MCM10: variants seen among roughly 807,000 people sequenced by gnomAD.
The protein encoded by MCM10 is protein MCM10 homolog.
Under a neutral mutation model 109.9 loss-of-function variants are expected in MCM10, and 91 were observed. The observed-to-expected ratio is 0.83, with a 90% CI of 0.70 to 0.99. MCM10 has a LOEUF of 0.99. MCM10 is among the 50% of genes least tolerant of loss of function. The probability of loss-of-function intolerance (pLI) is 0.00; values close to 1 mark genes in which losing one functional copy is unlikely to be tolerated. For missense variants in MCM10, 1,077 were observed against 1,061.2 expected (o/e 1.01, Z -0.21); for synonymous variants, 380 against 387.2 (o/e 0.98, Z 0.22).
chr10:13,163,203 G>T (rs1006245743), intron 1 of MCM10, among the ~76,000 whole-genome samples: 4 of 152,130 alleles, frequency 2.6e-5, no homozygotes, highest in African/African-American at 4.8e-5. Flanking sequence ...GCCGGGTGTG[G>T]TAGTGCACGT....
intron 10 of MCM10, among the ~76,000 whole-genome samples, chr10:13,189,976 GAAAGA>G (rs958898929): frequency 3.0e-4 from 46 of 152,240 alleles, no homozygotes; most frequent in African/African-American, 8.9e-4. Flanking sequence ...CTTAAAAAAA[GAAAGA>G]AAAGAAAAGA....
Position 13,211,100 on chromosome 10 carries a change from C to G in MCM10, c.*1790C>G, listed in dbSNP as rs938935000. On this transcript the variant is annotated 3_prime_UTR_variant, in exon 20 of 20. Coordinates refer to ENST00000378714, the MANE Select transcript of MCM10 (RefSeq NM_018518.5). ...TTTAACTTTTAAAATAAATTTAAAA[C>G]ATAATTGTCACTTCTTAGTTTTGCT... The G allele has an allele frequency of 6.6e-6, 1 of 152,094 alleles. No individual in the cohort carries two copies. Among genetic ancestry groups the G allele is most frequent in the African/African-American group, 2.4e-5 (1 of 41,402 alleles). 9.4% of individuals were successfully genotyped at this position (152,094 alleles called of 1,614,324 possible).
intron 2 of MCM10, among the ~76,000 whole-genome samples, chr10:13,165,160 T>A (rs891125422): frequency 2.0e-5 from 3 of 152,092 alleles, no homozygotes; most frequent in African/African-American, 7.2e-5. Flanking sequence ...CATACATACG[T>A]GTGATAAAGT....
chr10:13,167,449 T>C (rs1301098408), intron 2 of MCM10, among the ~76,000 whole-genome samples: 2 of 151,782 alleles, frequency 1.3e-5, no homozygotes, highest in African/African-American at 4.8e-5. Flanking sequence ...CTGTGATGAG[T>C]TGGAGTTACT....
rs540086176 is a variant in MCM10, at chr10:13,206,478, T to G, written c.2498+2114T>G. Among the ~76,000 whole-genome samples, 13 of 152,334 alleles carry G rather than the reference T, an allele frequency of 8.5e-5. No individual in the cohort carries two copies. The South Asian group carries it at 2.7e-3, about 32-fold the overall frequency. ...CATACTTCACTCTCACTTCAGATTC[T>G]CCAGGGTCGATCCAGAGATCTGAGG... On this transcript the variant is annotated intron_variant, in intron 18 of 19. Transcript: ENST00000378714.
In MCM10 at chr10:13,168,877, T is replaced by C. The variant is rs552022835; in HGVS notation, c.8-2045T>C. ...GGAGATAGTAAGGGCAACAGAGTCC[T>C]CAGCAGAATTTCCCTTTTAGCAAAA... On this transcript the variant is annotated intron_variant, in intron 2 of 19. Coordinates refer to ENST00000378714, the MANE Select transcript of MCM10 (RefSeq NM_018518.5). Among the ~76,000 whole-genome samples, 135 of 152,356 alleles carry C rather than the reference T, an allele frequency of 8.9e-4. 1 individual carries two copies. Among genetic ancestry groups the C allele is most frequent in the African/African-American group, 3.1e-3 (129 of 41,590 alleles).
rs2131576688 is a variant in MCM10, at chr10:13,188,863, CT to C, written c.1216-17del. The stretch of plus-strand genomic sequence containing the variant: ...GCCTGTTGCCCTCATCCTGATGCCA[CT>C]GCTCTGCCTTTTGCAGCGTGACTGT... On this transcript the variant is annotated splice_polypyrimidine_tract_variant and intron_variant, in intron 9 of 19. Transcript: ENST00000378714. 1 of 1,612,596 alleles carries C rather than the reference CT, an allele frequency of 6.2e-7. No homozygotes were observed. The highest frequency in any genetic ancestry group is 8.5e-7 in the Non-Finnish European group (1 of 1,178,604).
chr10:13,171,062 G>T lies in MCM10; in HGVS notation c.148G>T (p.Gly50Cys). ...DAFDELFDAD[G>C]DGESYTEEAD... ...ATTTGATGAGCTCTTTGATGCCGAC[G>T]GCGACGGTGAATCTTATACAGAAGA... The change falls in exon 3 of 20, where the codon GGC (glycine) becomes TGC (cysteine). Residue 50 changes from glycine to cysteine, a missense_variant. Gly to Cys is a radical substitution (Grantham distance 159, BLOSUM62 -3). Transcript: ENST00000378714. 1.9e-6 allele frequency: 3 copies of T among 1,614,162 alleles called. No individual in the cohort carries two copies. In the Middle Eastern group the frequency reaches 4.9e-4, roughly 266 times the overall value.
rs1469846605 is a variant in MCM10, at chr10:13,209,656, A to G, written c.*346A>G. On this transcript the variant is annotated 3_prime_UTR_variant, in exon 20 of 20. Transcript: ENST00000378714. ...AGAGTGTTCACTTCTTTATCATAAC[A>G]AAATTCTAGTGTTTATACGAACACC... The G allele has an allele frequency of 4.1e-6, 1 of 241,038 alleles. No homozygotes were observed. Among genetic ancestry groups the G allele is most frequent in the East Asian group, 9.9e-5 (1 of 10,148 alleles). 14.9% of individuals were successfully genotyped at this position (241,038 alleles called of 1,614,324 possible). A position where few individuals can be genotyped will look rare whatever the true frequency, so the allele number is the denominator to read the frequency against.
In MCM10 at chr10:13,186,258, C is replaced by T. The variant is rs772760028; in HGVS notation, c.1193C>T (p.Pro398Leu). 1.1e-5 allele frequency: 17 copies of T among 1,611,702 alleles called. No homozygotes were observed. Among genetic ancestry groups the T allele is most frequent in the East Asian group, 4.5e-5 (2 of 44,850 alleles). The change falls in exon 9 of 20, where the codon CCG becomes CTG. Residue 398 changes from proline (P) to leucine (L), a missense_variant. Physicochemically the swap from Pro to Leu is moderately conservative, Grantham distance 98 (BLOSUM62 -3). Transcript: ENST00000378714. ...TCKAKKKNGE[P>L]CTQTVNLRDC... ...AAAGCCAAGAAGAAGAATGGAGAGC[C>T]GTGCACGCAGACTGTGAATTTGGTT...
At chr10:13,192,219 T>C (rs1174221011) in intron 11 of MCM10, 36 bp from the exon 12 acceptor site, 1 of 1,405,698 alleles carries the variant, frequency 7.1e-7, no homozygotes, top group South Asian at 1.2e-5. Flanking sequence ...ACCATCTGAA[T>C]GTGAATCCTC....
chr10:13,168,610 A>G (rs1213608970), intron 2 of MCM10, among the ~76,000 whole-genome samples: 1 of 152,244 alleles, frequency 6.6e-6, no homozygotes, highest in Non-Finnish European at 1.5e-5. Flanking sequence ...GGGGGAAAAA[A>G]GAGCAAAGAA....
At chr10:13,173,392 G>A (rs1237620691) in intron 5 of MCM10, among the ~76,000 whole-genome samples, 6 of 152,084 alleles carry the variant, frequency 3.9e-5, no homozygotes, top group Non-Finnish European at 1.5e-5. Flanking sequence ...AAGCCAGGTC[G>A]TATCAAATCA....
At position 13,164,796 on chromosome 10, in the gene MCM10, C is replaced by T. The variant is rs190624187; in HGVS notation, c.7+587C>T. On this transcript the variant is annotated intron_variant, in intron 2 of 19. Transcript: ENST00000378714. ...GTGCTGGGCTGGACGCAGTGGCTCACGCCTGTGATCTCAACACTTTGGGAG... is the reference window on the plus strand; with the variant it reads ...GTGCTGGGCTGGACGCAGTGGCTCATGCCTGTGATCTCAACACTTTGGGAG... Among the ~76,000 whole-genome samples, 14 of 152,172 alleles carry T rather than the reference C, an allele frequency of 9.2e-5. No homozygotes were observed. The East Asian group carries it at 1.2e-3, about 13-fold the overall frequency.
chr10:13,171,223 T>C lies in MCM10; in HGVS notation c.309T>C (p.Ala103=), dbSNP rs756253515. Residue 103 remains alanine (A), a synonymous_variant, in exon 3 of 20, where the codon GCT becomes GCC. Coordinates refer to ENST00000378714, the MANE Select transcript of MCM10 (RefSeq NM_018518.5). ...CAACTGAAAATAGGGTCCTCCCTGCTCCTGCCCCCAGGCGAGAGAAAACGA... is the reference window on the plus strand; with the variant it reads ...CAACTGAAAATAGGGTCCTCCCTGCCCCTGCCCCCAGGCGAGAGAAAACGA... ...SQSTENRVLP[A]PAPRREKTNE... is the part of the protein sequence containing the mutation. 3.1e-6 allele frequency: 5 copies of C among 1,613,392 alleles called. No individual in the cohort carries two copies. Among genetic ancestry groups the C allele is most frequent in the Non-Finnish European group, 3.4e-6 (4 of 1,179,754 alleles).
chr10:13,195,179 G>T lies in MCM10; in HGVS notation c.1884G>T (p.Gly628=). The T allele has an allele frequency of 6.2e-7, 1 of 1,614,038 alleles. No homozygotes were observed. Among genetic ancestry groups the T allele is most frequent in the Non-Finnish European group, 8.5e-7 (1 of 1,180,000 alleles). ...CGGCCACAATGACGCCCAAGCTGGG[G>T]CGAGGTGTCTTGGAAGGAGATGATG... ...GAPATMTPKL[G]RGVLEGDDVL... The change falls in exon 14 of 20, where the codon GGG becomes GGT. Residue 628 remains glycine, a synonymous_variant. Transcript: ENST00000378714.
chr10:13,165,875 G>GA (rs71513356), intron 2 of MCM10, among the ~76,000 whole-genome samples: 5,704 of 109,256 alleles, frequency 0.052, 198 homozygotes, highest in Admixed American at 0.086. Context: ...GACTCCATCT[G>GA]AAAAAAAAAA....
At position 13,204,310 on chromosome 10, in the gene MCM10, G is replaced by A. The variant is rs763586534; in HGVS notation, c.2444G>A (p.Cys815Tyr). 6.2e-7 allele frequency: 1 copy of A among 1,614,216 alleles called. No individual in the cohort carries two copies. The highest frequency in any genetic ancestry group is 8.5e-7 in the Non-Finnish European group (1 of 1,180,036). The change falls in exon 18 of 20, where the codon TGT becomes TAT. Residue 815 changes from cysteine (C) to tyrosine (Y), a missense_variant. Coordinates refer to ENST00000378714, the MANE Select transcript of MCM10 (RefSeq NM_018518.5). Reference sequence around the variant, plus strand: ...GATGGTGTGAAGAGGTTTTTCAAATGTCCCTGTGGAAACAGAAGCATCTCC... The same window carrying A: ...GATGGTGTGAAGAGGTTTTTCAAATATCCCTGTGGAAACAGAAGCATCTCC... ...WHDGVKRFFK[C>Y]PCGNRSISLD...
At chr10:13,202,588 C>T (rs1277856459) in intron 17 of MCM10, among the ~76,000 whole-genome samples, 1 of 152,156 alleles carries the variant, frequency 6.6e-6, no homozygotes, top group East Asian at 1.9e-4. Context: ...AAAAGTAGGG[C>T]TTCCTTGAGA....
Sources: gnomAD v4.1 joint callset for allele counts (sites outside exome capture counted in the v4.1 genomes callset) on GRCh38, gnomAD v4.1.1 for gene constraint, MANE v1.5 for transcripts, NCBI Gene and HGNC (gene_info 2026-07-23, HGNC 2026-07-21) for gene names.